The following TRDN variants were observed in gnomAD, a reference collection of about 807,000 sequenced individuals.
The protein encoded by TRDN is triadin in skeletal muscle.
TRDN carries 161 observed loss-of-function variants against 149.7 expected under a neutral mutation model. That is an observed-to-expected ratio of 1.08 (90% CI 0.95 to 1.23). The LOEUF is 1.23. Among genes scored for constraint, TRDN ranks in the 50% most tolerant of loss-of-function variants. The pLI, the probability that TRDN is intolerant of heterozygous loss-of-function variation, is 0.00. For synonymous variants in TRDN, 294 were observed against 250.5 expected (o/e 1.17, Z -1.64); for missense variants, 896 against 823.5 (o/e 1.09, Z -1.08).
intron 7 of TRDN, among the ~76,000 whole-genome samples, chr6:123,507,096 T>C (rs1434182150): frequency 6.6e-6 from 1 of 152,116 alleles, no homozygotes; most frequent in Non-Finnish European, 1.5e-5. Flanking sequence ...TATAATATAG[T>C]GATATAGAGA....
At chr6:123,347,494 G>C (rs1014782823) in intron 21 of TRDN, among the ~76,000 whole-genome samples, 5 of 151,950 alleles carry the variant, frequency 3.3e-5, no homozygotes, top group Non-Finnish European at 7.4e-5. Context: ...GTACCCAATA[G>C]CATGCCTTAT....
chr6:123,617,148 T>A (rs1361943526), intron 1 of TRDN, among the ~76,000 whole-genome samples: 1 of 152,128 alleles, frequency 6.6e-6, no homozygotes, highest in African/African-American at 2.4e-5. Flanking sequence ...TAGGCTCTTA[T>A]CCAGCTGAAA....
intron 14 of TRDN, among the ~76,000 whole-genome samples, chr6:123,387,091 A>G (rs537846960): frequency 6.7e-4 from 102 of 152,224 alleles, no homozygotes; most frequent in Non-Finnish European, 1.0e-3. Context: ...AATATTTTAA[A>G]TAGGTTATGA....
chr6:123,366,657 A>AC (rs1781111727), intron 19 of TRDN, among the ~76,000 whole-genome samples: 2 of 152,180 alleles, frequency 1.3e-5, no homozygotes, highest in Admixed American at 6.5e-5. Flanking sequence ...AGCTGGGACT[A>AC]CAACCGCCCG....
chr6:123,305,252 G>T (rs550048904), intron 24 of TRDN, among the ~76,000 whole-genome samples: 88 of 152,172 alleles, frequency 5.8e-4, no homozygotes, highest in Admixed American at 2.4e-3. Flanking sequence ...AAATTCTAAA[G>T]TCTGCCTTGG....
intron 1 of TRDN, among the ~76,000 whole-genome samples, chr6:123,620,955 G>A (rs1025755747): frequency 1.3e-5 from 2 of 152,128 alleles, no homozygotes; most frequent in African/African-American, 2.4e-5. Flanking sequence ...CAGTGCCCAG[G>A]ACAGCAAGGT....
At chr6:123,420,965 A>T (rs1306787741) in intron 12 of TRDN, among the ~76,000 whole-genome samples, 1 of 152,260 alleles carries the variant, frequency 6.6e-6, no homozygotes, top group African/African-American at 2.4e-5. Context: ...GTATGTTTTT[A>T]AAAAGTCATC....
intron 1 of TRDN, among the ~76,000 whole-genome samples, chr6:123,590,762 CA>C (rs200250112): frequency 6.6e-6 from 1 of 151,210 alleles, no homozygotes; most frequent in East Asian, 1.9e-4. Context: ...GACTCTGTCT[CA>C]AAAAAAATAA....
chr6:123,259,795 T>C lies in TRDN; in HGVS notation c.1832-133A>G. On this transcript the variant is annotated intron_variant, in intron 34 of 40. Coordinates refer to ENST00000334268, the MANE Select transcript of TRDN (RefSeq NM_006073.4). ...GAGTCAGGGCTCTCTCATTTCATTT[T>C]TGTTATGCTTGGTCATTCTGTTTAT... The C allele has an allele frequency of 6.4e-6, 4 of 622,132 alleles. No individual in the cohort carries two copies. The South Asian group carries it at 8.9e-5, about 14-fold the overall frequency. 38.5% of individuals were successfully genotyped at this position (622,132 alleles called of 1,614,324 possible). A position where few individuals can be genotyped will look rare whatever the true frequency, so the allele number is the denominator to read the frequency against.
At chr6:123,421,406 C>T (rs561085095) in intron 12 of TRDN, among the ~76,000 whole-genome samples, 3 of 152,250 alleles carry the variant, frequency 2.0e-5, no homozygotes, top group African/African-American at 7.2e-5. Context: ...ATTTACCTGT[C>T]AAATGAAGTG....
intron 23 of TRDN, among the ~76,000 whole-genome samples, chr6:123,320,577 T>C (rs1420226342): frequency 6.6e-6 from 1 of 152,058 alleles, no homozygotes; most frequent in African/African-American, 2.4e-5. Flanking sequence ...ATATACTCCC[T>C]AGTAAGTGGC....
chr6:123,466,054 A>G (rs1432517764), intron 9 of TRDN, among the ~76,000 whole-genome samples: 1 of 152,196 alleles, frequency 6.6e-6, no homozygotes, highest in Non-Finnish European at 1.5e-5. Context: ...TGTTACACCC[A>G]TACAGGTTGA....
At chr6:123,518,382 G>C (rs537491297) in intron 5 of TRDN, among the ~76,000 whole-genome samples, 1 of 152,050 alleles carries the variant, frequency 6.6e-6, no homozygotes, top group African/African-American at 2.4e-5. Context: ...GAAAATCTTG[G>C]CAAAAACAAA....
At chr6:123,553,285 C>T (rs945358285) in intron 2 of TRDN, among the ~76,000 whole-genome samples, 12 of 152,144 alleles carry the variant, frequency 7.9e-5, no homozygotes, top group South Asian at 2.1e-4. Context: ...CACCTAAACT[C>T]TGACTGCATA....
intron 27 of TRDN, among the ~76,000 whole-genome samples, chr6:123,273,884 A>T (rs904384873): frequency 2.6e-5 from 4 of 152,046 alleles, no homozygotes; most frequent in Admixed American, 6.6e-5. Context: ...TACCAGAGGT[A>T]TGACTTAAAC....
intron 16 of TRDN, 96 bp from the exon 17 acceptor site, chr6:123,377,994 GC>G: frequency 2.5e-6 from 2 of 814,758 alleles, no homozygotes; most frequent in South Asian, 3.9e-5. Context: ...ACATGCATGT[GC>G]TGATGCCAGA....
intron 12 of TRDN, among the ~76,000 whole-genome samples, chr6:123,399,293 C>T (rs1772862398): frequency 6.6e-6 from 1 of 152,084 alleles, no homozygotes; most frequent in Non-Finnish European, 1.5e-5. Flanking sequence ...GCATTTCCCC[C>T]TCATGGCATT....
At chr6:123,471,273 C>T (rs1777134003) in intron 9 of TRDN, 1 of 152,090 alleles carries the variant, frequency 6.6e-6, no homozygotes, top group Admixed American at 6.6e-5. Context: ...AAGTACAGTG[C>T]CATAATAAGG....
At chr6:123,520,339 C>T (rs1655576527) in intron 5 of TRDN, among the ~76,000 whole-genome samples, 1 of 152,076 alleles carries the variant, frequency 6.6e-6, no homozygotes, top group South Asian at 2.1e-4. Context: ...ACTTCTTTGT[C>T]TGTGGATAAG....
Sources: allele counts gnomAD v4.1 joint callset (sites outside exome capture counted in the v4.1 genomes callset), GRCh38; gene constraint gnomAD v4.1.1; transcripts MANE v1.5; gene names NCBI Gene and HGNC (gene_info 2026-07-23, HGNC 2026-07-21).